Variants in MET observed in about 807,000 individuals in gnomAD.
The protein encoded by MET is hepatocyte growth factor receptor.
Under a neutral mutation model 133.1 loss-of-function variants are expected in MET, and 48 were observed. That is an observed-to-expected ratio of 0.36 (90% CI 0.29 to 0.46). The LOEUF is 0.46. MET is among the 20% of genes least tolerant of loss of function. The pLI is 1.00. For missense variants in MET, 1,442 were observed against 1,695.9 expected, an observed-to-expected ratio of 0.85 and a Z score of 2.63; for synonymous variants, 628 against 616.5, an observed-to-expected ratio of 1.02 and a Z score of -0.28.
chr7:116,741,544 A>C (rs1488182212), intron 5 of MET, among the ~76,000 whole-genome samples: 1 of 152,224 alleles, frequency 6.6e-6, no homozygotes, highest in Non-Finnish European at 1.5e-5. Context: ...GCTGGGGCAC[A>C]CAGGACAGTT....
At position 116,777,403 on chromosome 7, in the gene MET, G is replaced by A. The variant is rs786202724; in HGVS notation, c.3274G>A (p.Val1092Ile). ...EVIGRGHFGC[V>I]YHGTLLDNDG... ...CTTTTGCACAGGGCATTTTGGTTGT[G>A]TATATCATGGGACTTTGTTGGACAA... The change falls in exon 16 of 21, where the codon GTA (valine) becomes ATA (isoleucine). Residue 1092 changes from valine (V) to isoleucine (I), a missense_variant. Physicochemically the swap from Val to Ile is conservative, Grantham distance 29. Coordinates refer to ENST00000397752, the MANE Select transcript of MET (RefSeq NM_000245.4). 1 of 1,613,718 alleles carries A rather than the reference G, an allele frequency of 6.2e-7. No individual in the cohort carries two copies. The highest frequency in any genetic ancestry group is 8.5e-7 in the Non-Finnish European group (1 of 1,179,828).
intron 2 of MET, among the ~76,000 whole-genome samples, chr7:116,714,405 A>G (rs1792114239): frequency 6.6e-6 from 1 of 152,184 alleles, no homozygotes; most frequent in Non-Finnish European, 1.5e-5. Flanking sequence ...TTTTCTCTTT[A>G]CTAATCCAGC....
chr7:116,794,746 G>GC (rs1281891321), intron 19 of MET, among the ~76,000 whole-genome samples: 1 of 152,128 alleles, frequency 6.6e-6, no homozygotes, highest in Non-Finnish European at 1.5e-5. Flanking sequence ...GGCCAGAACT[G>GC]CCCCCCTGGG....
intron 1 of MET, among the ~76,000 whole-genome samples, chr7:116,688,098 G>C (rs527445368): frequency 6.6e-6 from 1 of 152,304 alleles, no homozygotes; most frequent in African/African-American, 2.4e-5. Flanking sequence ...GGGGATGTCT[G>C]ATTCATTCGT....
In MET at chr7:116,745,435, C is replaced by A. The variant is rs371530701; in HGVS notation, c.1701+4410C>A. ...ACAGAATTGGAAAAAACTACTTTAA[C>A]GTTCATATGGACCCAAAAAAGAGCC... On this transcript the variant is annotated intron_variant, in intron 5 of 20. Coordinates refer to ENST00000397752, the MANE Select transcript of MET (RefSeq NM_000245.4). Among the ~76,000 whole-genome samples the A allele has an allele frequency of 9.2e-5, 14 of 152,050 alleles. No homozygotes were observed. The East Asian group carries it at 1.4e-3, about 15-fold the overall frequency.
chr7:116,712,653 A>T (rs1348826248), intron 2 of MET, among the ~76,000 whole-genome samples: 1 of 152,164 alleles, frequency 6.6e-6, no homozygotes, highest in Non-Finnish European at 1.5e-5. Context: ...AGCACTGGAG[A>T]AAAACTGGGG....
At chr7:116,785,542 G>T (rs1323687144) in intron 19 of MET, among the ~76,000 whole-genome samples, 1 of 152,066 alleles carries the variant, frequency 6.6e-6, no homozygotes, top group African/African-American at 2.4e-5. Flanking sequence ...GCACCAAAGG[G>T]AGAAATCTAC....
intron 2 of MET, among the ~76,000 whole-genome samples, chr7:116,727,540 C>T (rs1792842390): frequency 6.6e-6 from 1 of 152,122 alleles, no homozygotes; most frequent in Non-Finnish European, 1.5e-5. Context: ...CAGGCTGGTT[C>T]CCTGCGGGTG....
intron 19 of MET, 151 bp from the exon 20 acceptor site, chr7:116,795,504 C>A: frequency 1.1e-6 from 1 of 942,628 alleles, no homozygotes; most frequent in Non-Finnish European, 1.7e-6. Context: ...AAATGTATAG[C>A]TTAATAATTG....
intron 11 of MET, among the ~76,000 whole-genome samples, chr7:116,767,198 T>C (rs910329334): frequency 1.3e-5 from 2 of 152,178 alleles, no homozygotes; most frequent in African/African-American, 4.8e-5. Context: ...TTTCAGATCC[T>C]ACCCACTTCC....
chr7:116,724,366 T>C (rs1423310746), intron 2 of MET: 1 of 288,500 alleles, frequency 3.5e-6, no homozygotes, highest in Admixed American at 4.3e-5. Flanking sequence ...GCGCCCACTG[T>C]CTGGCACTCC....
intron 19 of MET, among the ~76,000 whole-genome samples, chr7:116,784,046 T>C (rs1052125114): frequency 6.6e-6 from 1 of 152,322 alleles, no homozygotes; most frequent in Admixed American, 6.5e-5. Flanking sequence ...TTCCACCATA[T>C]GGAGAAGTGG....
At position 116,775,091 on chromosome 7, in the gene MET, T is replaced by C. The variant is rs1794954978; in HGVS notation, c.3239T>C (p.Phe1080Ser). The part of the protein sequence containing the change: ...VIGPSSLIVH[F>S]NEVIGRGHFG... ...GGGCCCAGTAGCCTGATTGTGCATT[T>C]CAATGAAGTCATAGGAAGAGGTAAG... The change falls in exon 15 of 21, where the codon TTC becomes TCC. Residue 1080 changes from phenylalanine (F) to serine (S), a missense_variant. Coordinates refer to ENST00000397752, the MANE Select transcript of MET (RefSeq NM_000245.4). The C allele has an allele frequency of 6.2e-7, 1 of 1,614,072 alleles. No homozygotes were observed. Among genetic ancestry groups the C allele is most frequent in the Non-Finnish European group, 8.5e-7 (1 of 1,180,008 alleles).
At chr7:116,676,927 G>A (rs1349947834) in intron 1 of MET, among the ~76,000 whole-genome samples, 1 of 152,038 alleles carries the variant, frequency 6.6e-6, no homozygotes, top group Non-Finnish European at 1.5e-5. Flanking sequence ...TGAAGATACA[G>A]GAGTGGCCCA....
chr7:116,678,069 T>G (rs765045451), intron 1 of MET, among the ~76,000 whole-genome samples: 3 of 152,148 alleles, frequency 2.0e-5, no homozygotes, highest in Non-Finnish European at 2.9e-5. Flanking sequence ...ATTCAAAACA[T>G]GCACTGCCCT....
chr7:116,711,057 T>C (rs986898199), intron 2 of MET, among the ~76,000 whole-genome samples: 8 of 151,932 alleles, frequency 5.3e-5, no homozygotes, highest in Non-Finnish European at 1.2e-4. Flanking sequence ...TATAATAAAA[T>C]CTCTGTTCCA....
chr7:116,767,345 ATTAG>A (rs1240996344), intron 11 of MET, among the ~76,000 whole-genome samples: 1 of 152,182 alleles, frequency 6.6e-6, no homozygotes, highest in Admixed American at 6.5e-5. Context: ...ATTGGGAGTA[ATTAG>A]TTTTCATTTT....
intron 2 of MET, among the ~76,000 whole-genome samples, chr7:116,705,818 C>G (rs73208161): frequency 2.4e-4 from 36 of 152,194 alleles, no homozygotes; most frequent in Admixed American, 5.2e-4. Flanking sequence ...TTTTAATTAT[C>G]CATGCTACTC....
chr7:116,755,040 G>GAAAGAA (rs918744668), intron 5 of MET, among the ~76,000 whole-genome samples: 1 of 39,368 alleles, frequency 2.5e-5, no homozygotes, highest in Non-Finnish European at 6.0e-5. Context: ...AAGAAAGAAA[G>GAAAGAA]AAAAGAAAGA....
Sources: gnomAD v4.1 joint callset for allele counts (sites outside exome capture counted in the v4.1 genomes callset) on GRCh38, gnomAD v4.1.1 for gene constraint, MANE v1.5 for transcripts, NCBI Gene and HGNC (gene_info 2026-07-23, HGNC 2026-07-21) for gene names.